Variants in LIMCH1 observed in about 807,000 individuals in gnomAD.
LIMCH1 encodes the protein LIM and calponin homology domains-containing protein 1.
Under a neutral mutation model 176.5 loss-of-function variants are expected in LIMCH1, and 113 were observed. That is an observed-to-expected ratio of 0.64 (90% CI 0.55 to 0.75). The LOEUF (loss-of-function observed/expected upper bound fraction) is 0.75. Among genes scored for constraint, LIMCH1 ranks in the 30% least tolerant of loss-of-function variants. The pLI is 0.00. For missense variants in LIMCH1, 1,674 were observed against 1,814.9 expected, an observed-to-expected ratio of 0.92 and a Z score of 1.41; for synonymous variants, 619 against 645.9, an observed-to-expected ratio of 0.96 and a Z score of 0.63.
chr4:41,545,151 A>T (rs945705883), intron 1 of LIMCH1, among the ~76,000 whole-genome samples: 1 of 152,246 alleles, frequency 6.6e-6, no homozygotes, highest in Non-Finnish European at 1.5e-5. Context: ...GTGAGTTGGA[A>T]TGCTAAGAAA....
At chr4:41,634,215 C>A (rs1315647895) in intron 13 of LIMCH1, among the ~76,000 whole-genome samples, 1 of 152,156 alleles carries the variant, frequency 6.6e-6, no homozygotes, top group Non-Finnish European at 1.5e-5. Context: ...CACTCGTTGC[C>A]TTCTGCAGTA....
chr4:41,562,142 C>G (rs1021996735), intron 1 of LIMCH1, among the ~76,000 whole-genome samples: 1 of 152,188 alleles, frequency 6.6e-6, no homozygotes, highest in Non-Finnish European at 1.5e-5. Context: ...ATGAAAGAGT[C>G]ACAGTCCTGT....
chr4:41,666,665 A>G lies in LIMCH1; in HGVS notation c.3396A>G (p.Gln1132=), dbSNP rs1560298154. 6 of 1,594,594 alleles carry G rather than the reference A, an allele frequency of 3.8e-6. No homozygotes were observed. The highest frequency in any genetic ancestry group is 5.2e-6 in the Non-Finnish European group (6 of 1,162,338). ...NQLHLPNLNS[Q]VDSPSSEKSP... ...TACATTTGCCAAATCTCAATTCTCA[A>G]GGTAAAGAGGACATGTTTTATTTTA... Residue 1132 remains glutamine, a splice_region_variant and synonymous_variant, in exon 21 of 32, where the codon CAA becomes CAG. Transcript: ENST00000503057.
At chr4:41,635,424 C>A (rs565777245) in intron 13 of LIMCH1, among the ~76,000 whole-genome samples, 1 of 152,112 alleles carries the variant, frequency 6.6e-6, no homozygotes, top group Non-Finnish European at 1.5e-5. Context: ...GACGGGGTTT[C>A]GCTGTGTTGG....
intron 1 of LIMCH1, among the ~76,000 whole-genome samples, chr4:41,378,182 A>G (rs1242538675): frequency 6.6e-6 from 1 of 152,208 alleles, no homozygotes; most frequent in Non-Finnish European, 1.5e-5. Flanking sequence ...GACATAGCAC[A>G]TGGAGAGTGC....
intron 1 of LIMCH1, among the ~76,000 whole-genome samples, chr4:41,416,319 G>C (rs1402274959): frequency 1.3e-5 from 2 of 152,108 alleles, no homozygotes; most frequent in Non-Finnish European, 2.9e-5. Flanking sequence ...TGAAACCCAA[G>C]CTATAATATT....
intron 1 of LIMCH1, among the ~76,000 whole-genome samples, chr4:41,381,561 T>G (rs1207300575): frequency 6.6e-6 from 1 of 151,894 alleles, no homozygotes; most frequent in African/African-American, 2.4e-5. Flanking sequence ...AGAGGTGGAG[T>G]CTGTTTCCTG....
intron 1 of LIMCH1, among the ~76,000 whole-genome samples, chr4:41,383,121 T>C (rs2055958758): frequency 6.6e-6 from 1 of 152,210 alleles, no homozygotes; most frequent in South Asian, 2.1e-4. Flanking sequence ...GAATTGTCCA[T>C]CTTATATTTG....
At chr4:41,578,538 T>C (rs547555160) in intron 1 of LIMCH1, among the ~76,000 whole-genome samples, 22 of 152,318 alleles carry the variant, frequency 1.4e-4, no homozygotes, top group Non-Finnish European at 2.5e-4. Flanking sequence ...TCTTTATATC[T>C]TCCCAACACT....
chr4:41,561,304 C>T (rs1023338247), intron 1 of LIMCH1, among the ~76,000 whole-genome samples: 4 of 152,110 alleles, frequency 2.6e-5, no homozygotes, highest in Non-Finnish European at 4.4e-5. Flanking sequence ...GTATTTTTTT[C>T]CCCCTCCAGA....
intron 1 of LIMCH1, among the ~76,000 whole-genome samples, chr4:41,376,859 A>G (rs1474551938): frequency 1.3e-5 from 2 of 152,146 alleles, no homozygotes; most frequent in African/African-American, 2.4e-5. Flanking sequence ...GGTGATGGAA[A>G]TGTTCTGGAA....
intron 1 of LIMCH1, among the ~76,000 whole-genome samples, chr4:41,570,175 T>C (rs1306595081): frequency 6.6e-6 from 1 of 152,244 alleles, no homozygotes; most frequent in African/African-American, 2.4e-5. Flanking sequence ...TTAGATATGC[T>C]GCATCAGCTT....
chr4:41,383,640 T>C (rs2056045104), intron 1 of LIMCH1, among the ~76,000 whole-genome samples: 1 of 152,190 alleles, frequency 6.6e-6, no homozygotes, highest in Middle Eastern at 3.2e-3. Context: ...GCGCTTTTAA[T>C]AGTAGAGGGA....
chr4:41,460,476 A>ATATATATATATATATATC lies in LIMCH1; in HGVS notation c.97-34057_97-34056insATATATATATATATCTAT, dbSNP rs965621988. On this transcript the variant is annotated intron_variant, in intron 1 of 26. Transcript: ENST00000313860. ...TAATCATCTATATATATATATATAT[A>ATATATATATATATATATC]TATCTTATAATATCATGTTATAGAT... 4.1e-4 allele frequency among the ~76,000 whole-genome samples: 59 copies of ATATATATATATATATATC among 142,646 alleles called. No individual in the cohort carries two copies. In the South Asian group the frequency reaches 5.2e-3, roughly 13 times the overall value. 93.6% of individuals were successfully genotyped at this position (142,646 alleles called of 152,430 possible).
Position 41,464,674 on chromosome 4 carries a change from G to A in LIMCH1, c.97-29862G>A, listed in dbSNP as rs556286827. 1.1e-4 allele frequency among the ~76,000 whole-genome samples: 16 copies of A among 152,174 alleles called. No individual in the cohort carries two copies. The South Asian group carries it at 1.3e-3, about 12-fold the overall frequency. ...CAGGCGTGAACTACCAGGCCTGCCC[G>A]AGCCATTTTCTTAAGTAGGTCAAGT... On this transcript the variant is annotated intron_variant, in intron 1 of 26. Coordinates refer to the LIMCH1 transcript ENST00000313860.
intron 1 of LIMCH1, among the ~76,000 whole-genome samples, chr4:41,396,136 G>C (rs530426587): frequency 2.0e-5 from 3 of 152,288 alleles, no homozygotes; most frequent in African/African-American, 7.2e-5. Flanking sequence ...CGGATCTGTA[G>C]GATCTCATAG....
At chr4:41,491,465 C>T (rs574272634) in intron 1 of LIMCH1, among the ~76,000 whole-genome samples, 41 of 147,212 alleles carry the variant, frequency 2.8e-4, no homozygotes, top group Admixed American at 8.7e-4. Flanking sequence ...GATGGGGTGG[C>T]GACCGGGCAG....
chr4:41,387,393 A>G (rs766119228), intron 1 of LIMCH1, among the ~76,000 whole-genome samples: 3 of 152,272 alleles, frequency 2.0e-5, no homozygotes, highest in Non-Finnish European at 2.9e-5. Flanking sequence ...CAATGAATAT[A>G]CATTTCCTAT....
intron 24 of LIMCH1, among the ~76,000 whole-genome samples, 160 bp downstream of exon 24, chr4:41,680,258 G>T (rs1264039806): frequency 6.6e-6 from 1 of 152,170 alleles, no homozygotes; most frequent in Non-Finnish European, 1.5e-5. Flanking sequence ...TGTCATTTAG[G>T]TTCTAAAAGA....
Sources: gnomAD v4.1 joint callset for allele counts (sites outside exome capture counted in the v4.1 genomes callset) on GRCh38, gnomAD v4.1.1 for gene constraint, MANE v1.5 for transcripts, NCBI Gene and HGNC (gene_info 2026-07-23, HGNC 2026-07-21) for gene names.